WRN: variants seen among roughly 807,000 people sequenced by gnomAD.
WRN encodes WRN RecQ like helicase, also known as bifunctional 3'-5' exonuclease/ATP-dependent helicase WRN.
WRN carries 149 observed loss-of-function variants against 180.7 expected under a neutral mutation model. That is an observed-to-expected ratio of 0.82 (90% confidence interval 0.72 to 0.94). WRN has a LOEUF of 0.94. WRN is among the 40% of genes least tolerant of loss of function. The pLI is 0.00. For missense variants in WRN, 1,661 were observed against 1,700.1 expected (o/e 0.98, Z 0.40); for synonymous variants, 548 against 568.9 (o/e 0.96, Z 0.52).
At chr8:31,039,937 A>G (rs193227865) in intron 1 of WRN, among the ~76,000 whole-genome samples, 33 of 152,280 alleles carry the variant, frequency 2.2e-4, no homozygotes, top group Non-Finnish European at 4.0e-4. Context: ...GTGTTATCTT[A>G]TAACAGAATC....
At chr8:31,118,343 G>A (rs116375163) in intron 20 of WRN, among the ~76,000 whole-genome samples, 257 of 152,050 alleles carry the variant, frequency 1.7e-3, no homozygotes, top group African/African-American at 5.8e-3. Flanking sequence ...TTCTCCCTAC[G>A]TTGATATCAG....
intron 18 of WRN, among the ~76,000 whole-genome samples, chr8:31,101,905 G>A (rs951782046): frequency 6.3e-5 from 9 of 143,492 alleles, no homozygotes; most frequent in Non-Finnish European, 9.1e-5. Flanking sequence ...TTTTTATTTT[G>A]AAAATTGTAG....
intron 1 of WRN, among the ~76,000 whole-genome samples, chr8:31,056,757 A>C (rs1812291378): frequency 6.6e-6 from 1 of 152,162 alleles, no homozygotes; most frequent in South Asian, 2.1e-4. Context: ...GGTTTATTTG[A>C]CTACCCCACA....
intron 23 of WRN, among the ~76,000 whole-genome samples, chr8:31,130,545 A>G (rs1196243552): frequency 6.6e-6 from 1 of 152,052 alleles, no homozygotes; most frequent in East Asian, 1.9e-4. Flanking sequence ...AATCTATTTA[A>G]ATGAAAGGTT....
Position 31,132,439 on chromosome 8 carries a change from T to A in WRN, c.2900T>A (p.Leu967Ter). 6.2e-7 allele frequency: 1 copy of A among 1,614,214 alleles called. No homozygotes were observed. Among genetic ancestry groups the A allele is most frequent in the Non-Finnish European group, 8.5e-7 (1 of 1,180,026 alleles). ...TTTGGTCCACAAGCATTTAAGCTTT[T>A]GTCTGCTGTGGACATCTTAGGCGAA... ...WDFGPQAFKL[L>*]SAVDILGEKF... Residue 967 changes from leucine (L) to a stop codon, truncating the protein, a stop_gained, in exon 24 of 35, where the codon TTG becomes TAG. Coordinates refer to ENST00000298139, the MANE Select transcript of WRN (RefSeq NM_000553.6). LOFTEE classifies it high-confidence loss of function.
chr8:31,085,826 A>AT (rs1430217094), intron 11 of WRN, among the ~76,000 whole-genome samples: 1 of 151,940 alleles, frequency 6.6e-6, no homozygotes, highest in Non-Finnish European at 1.5e-5. Flanking sequence ...ATGGGTAGTG[A>AT]TTTGGCTCTC....
Position 31,103,288 on chromosome 8 carries a change from G to A in WRN, c.2088+2333G>A, listed in dbSNP as rs560759862. 9.8e-5 allele frequency among the ~76,000 whole-genome samples: 15 copies of A among 152,308 alleles called. No homozygotes were observed. In the South Asian group the frequency reaches 3.1e-3, roughly 32 times the overall value. ...TCTAAAATAATGGAAAAGGGTATAG[G>A]TAAATACGTAAACCAGTAACATACT... is the stretch of plus-strand genomic sequence containing the variant. On this transcript the variant is annotated intron_variant, in intron 18 of 34. Coordinates refer to ENST00000298139, the MANE Select transcript of WRN (RefSeq NM_000553.6).
chr8:31,083,928 T>A lies in WRN; in HGVS notation c.1350+149T>A, dbSNP rs1350184781. ...TAGATTTCACATTTTCCAATTCATG[T>A]TTCTTTCATGTAGTCTATAAATAAT... On this transcript the variant is annotated intron_variant, in intron 10 of 34. Transcript: ENST00000298139. 19 of 890,362 alleles carry A rather than the reference T, an allele frequency of 2.1e-5. No individual in the cohort carries two copies. In the South Asian group the frequency reaches 2.8e-4, roughly 13 times the overall value. The allele number at this position is 890,362 out of a possible 1,614,324, so 55.2% of individuals were successfully genotyped here.
chr8:31,133,668 G>C (rs1802274831), intron 24 of WRN, among the ~76,000 whole-genome samples: 1 of 152,146 alleles, frequency 6.6e-6, no homozygotes, highest in African/African-American at 2.4e-5. Flanking sequence ...TAAATCACAA[G>C]TTGGATTAGA....
chr8:31,166,231 T>C (rs1585548661), intron 33 of WRN, among the ~76,000 whole-genome samples: 3 of 152,294 alleles, frequency 2.0e-5, no homozygotes, highest in Non-Finnish European at 2.9e-5. Context: ...ATATTTGATA[T>C]GTTTTGTAAA....
intron 1 of WRN, among the ~76,000 whole-genome samples, chr8:31,053,761 T>A (rs1156460402): frequency 6.6e-6 from 1 of 152,230 alleles, no homozygotes; most frequent in African/African-American, 2.4e-5. Flanking sequence ...TAAAATGGTT[T>A]TTTAAGTGAT....
intron 4 of WRN, 23 bp from the exon 5 acceptor site, chr8:31,064,892 G>A (rs745644260): frequency 1.4e-5 from 22 of 1,612,364 alleles, no homozygotes; most frequent in South Asian, 8.8e-5. Flanking sequence ...AGAACTTATG[G>A]AAATAACAAG....
At chr8:31,061,965 C>G (rs1370334571) in intron 3 of WRN, among the ~76,000 whole-genome samples, 1 of 152,176 alleles carries the variant, frequency 6.6e-6, no homozygotes, top group Non-Finnish European at 1.5e-5. Flanking sequence ...TAGCTTCCTC[C>G]TCTCCAGAAC....
chr8:31,045,661 G>A (rs59942434), intron 1 of WRN, among the ~76,000 whole-genome samples: 1,962 of 152,040 alleles, frequency 0.013, 40 homozygotes, highest in African/African-American at 0.044. Flanking sequence ...CTCGGCCTCC[G>A]AAAGTGCTGG....
chr8:31,165,066 A>G (rs1452702584), intron 33 of WRN, among the ~76,000 whole-genome samples: 2 of 152,130 alleles, frequency 1.3e-5, no homozygotes, highest in African/African-American at 2.4e-5. Flanking sequence ...GTTTAACACC[A>G]TAAGCGGATG....
chr8:31,067,270 C>T, intron 6 of WRN, 88 bp downstream of exon 6: 4 of 1,428,576 alleles, frequency 2.8e-6, no homozygotes, highest in Non-Finnish European at 3.8e-6. Flanking sequence ...ATAGTAGTGG[C>T]AGAAACTCTA....
chr8:31,149,455 G>GTTTTTTTTTTTTT (rs71208105), intron 30 of WRN, among the ~76,000 whole-genome samples: 1 of 51,972 alleles, frequency 1.9e-5, no homozygotes, highest in African/African-American at 7.7e-5. Flanking sequence ...TAATAGAGGT[G>GTTTTTTTTTTTTT]TTTTTTTTTT....
intron 31 of WRN, among the ~76,000 whole-genome samples, chr8:31,150,780 T>G (rs959773496): frequency 6.6e-6 from 1 of 152,234 alleles, no homozygotes; most frequent in Non-Finnish European, 1.5e-5. Context: ...AATTTAAAGC[T>G]GGAAAGTTAT....
intron 34 of WRN, chr8:31,171,340 A>G (rs1804094304): frequency 6.6e-6 from 1 of 152,088 alleles, no homozygotes; most frequent in African/African-American, 2.4e-5. Flanking sequence ...TACAAGAAAA[A>G]AAAAAAAACA....
Sources: allele counts gnomAD v4.1 joint callset (sites outside exome capture counted in the v4.1 genomes callset), GRCh38; gene constraint gnomAD v4.1.1; transcripts MANE v1.5; gene names NCBI Gene and HGNC (gene_info 2026-07-23, HGNC 2026-07-21).